The following RASSF6 variants were observed in gnomAD, a reference collection of about 807,000 sequenced individuals.
The protein encoded by RASSF6 is ras association domain-containing protein 6.
RASSF6 carries 52 observed loss-of-function variants against 44.0 expected under a neutral mutation model. That is an observed-to-expected ratio of 1.18 (90% confidence interval 0.95 to 1.49). The LOEUF is 1.49. RASSF6 is among the 40% of genes most tolerant of loss of function. The pLI, the probability that RASSF6 is intolerant of heterozygous loss-of-function variation, is 0.00. For missense variants in RASSF6, 464 were observed against 393.3 expected (o/e 1.18, Z -1.52); for synonymous variants, 162 against 124.6 (o/e 1.30, Z -2.00).
intron 1 of RASSF6, among the ~76,000 whole-genome samples, chr4:73,618,239 G>A (rs1049154412): frequency 2.6e-5 from 4 of 151,086 alleles, no homozygotes; most frequent in Non-Finnish European, 4.4e-5. Context: ...TGTTATACAC[G>A]TGAGAAATAG....
At chr4:73,590,160 A>G (rs2149376911) in intron 4 of RASSF6, among the ~76,000 whole-genome samples, 1 of 152,368 alleles carries the variant, frequency 6.6e-6, no homozygotes, top group East Asian at 1.9e-4. Flanking sequence ...AATTGTTTCC[A>G]TAAAGAATAA....
intron 2 of RASSF6, among the ~76,000 whole-genome samples, chr4:73,599,853 T>A (rs1018799475): frequency 6.6e-6 from 1 of 152,172 alleles, no homozygotes; most frequent in African/African-American, 2.4e-5. Context: ...TGGATGCAAC[T>A]GGTCTTCTGT....
intron 4 of RASSF6, among the ~76,000 whole-genome samples, chr4:73,590,034 A>G (rs530859502): frequency 5.9e-5 from 9 of 152,340 alleles, no homozygotes; most frequent in African/African-American, 2.2e-4. Flanking sequence ...TATTAAAAAC[A>G]GATGTGAAAA....
At position 73,587,917 on chromosome 4, in the gene RASSF6, TC is replaced by T; in HGVS notation, c.304del (p.Glu102AsnfsTer36). On this transcript the variant is annotated frameshift_variant, in exon 5 of 11. Coordinates refer to ENST00000307439, the MANE Select transcript of RASSF6 (RefSeq NM_177532.5). LOFTEE classifies it high-confidence loss of function. ...FSSKGMTRWGEFDDLYRISEL... is the reference protein window; with the variant it reads ...FSSKGMTRWGXFDDLYRISEL... ...ACTAATACGATAGAGATCGTCAAAT[TC>T]CCCCCAGCGTGTCATTCTGAGAAGT... 1.2e-6 allele frequency: 2 copies of T among 1,607,416 alleles called. No homozygotes were observed. The highest frequency in any genetic ancestry group is 1.7e-6 in the Non-Finnish European group (2 of 1,175,050).
chr4:73,592,771 A>G (rs1336716927), intron 4 of RASSF6, among the ~76,000 whole-genome samples: 2 of 152,156 alleles, frequency 1.3e-5, no homozygotes, highest in African/African-American at 4.8e-5. Flanking sequence ...TTTAGATTTT[A>G]TCCTCTTATT....
chr4:73,618,428 A>G (rs2149402873), intron 1 of RASSF6, among the ~76,000 whole-genome samples: 1 of 152,246 alleles, frequency 6.6e-6, no homozygotes, highest in African/African-American at 2.4e-5. Context: ...TGGGGCTACT[A>G]TTCTTTATTT....
intron 3 of RASSF6, among the ~76,000 whole-genome samples, chr4:73,598,244 A>C (rs1254051521): frequency 6.6e-6 from 1 of 152,156 alleles, no homozygotes; most frequent in Non-Finnish European, 1.5e-5. Context: ...ACCCAAATCA[A>C]ATTTGACATT....
At chr4:73,616,071 C>T (rs138839031) in intron 1 of RASSF6, 19 of 744,698 alleles carry the variant, frequency 2.6e-5, no homozygotes, top group African/African-American at 2.1e-4. Flanking sequence ...AAATATTTCA[C>T]GAGTTCCTTC....
intron 1 of RASSF6, among the ~76,000 whole-genome samples, chr4:73,617,626 T>C (rs1261066417): frequency 6.6e-6 from 1 of 152,238 alleles, no homozygotes; most frequent in African/African-American, 2.4e-5. Context: ...TAGGTGATGA[T>C]GAAGTTTTCC....
intron 3 of RASSF6, among the ~76,000 whole-genome samples, chr4:73,596,052 A>T (rs1186489970): frequency 6.6e-6 from 1 of 152,194 alleles, no homozygotes; most frequent in Non-Finnish European, 1.5e-5. Context: ...GAGTGAAGAG[A>T]CGTGTGGAGA....
Position 73,587,858 on chromosome 4 carries a change from T to C in RASSF6, c.364A>G (p.Lys122Glu). Residue 122 changes from lysine (K) to glutamate (E), a missense_variant, in exon 5 of 11, where the codon AAA becomes GAA. By Grantham distance (56) the Lys-to-Glu change is moderately conservative. Transcript: ENST00000307439. ...TACTGACCTTCCTGGGAATTCCTTT[T>C]TTCAGACATAGGAATCTGGGTCCTG... Reference protein sequence around the residue: ...LDRTQIPMSEKRNSQEDYLSY... With the variant: ...LDRTQIPMSEERNSQEDYLSY... 1 of 1,608,280 alleles carries C rather than the reference T, an allele frequency of 6.2e-7. No homozygotes were observed. Among genetic ancestry groups the C allele is most frequent in the Non-Finnish European group, 8.5e-7 (1 of 1,175,750 alleles).
intron 7 of RASSF6, 46 bp from the exon 8 acceptor site, chr4:73,581,914 T>C: frequency 1.3e-6 from 2 of 1,495,850 alleles, no homozygotes; most frequent in Non-Finnish European, 9.3e-7. Flanking sequence ...TGTTGTTATA[T>C]GATGTTTTCT....
chr4:73,609,850 G>T (rs1725884104), intron 2 of RASSF6, among the ~76,000 whole-genome samples: 1 of 152,086 alleles, frequency 6.6e-6, no homozygotes, highest in Admixed American at 6.5e-5. Context: ...CAGGAATTTT[G>T]TTTATGTTAG....
At position 73,578,638 on chromosome 4, in the gene RASSF6, C is replaced by CTT. The variant is rs34373374; in HGVS notation, c.722-1909_722-1908dup. ...CACCTTTAAACAAATCATTTTTTCT[C>CTT]TTTTTTTTTTTTTTAGACGGAGTGC... On this transcript the variant is annotated intron_variant, in intron 8 of 10. Transcript: ENST00000307439. Among the ~76,000 whole-genome samples, 158 of 143,442 alleles carry CTT rather than the reference C, an allele frequency of 1.1e-3. 1 individual carries two copies. The highest frequency in any genetic ancestry group is 2.8e-3 in the East Asian group (14 of 4,954). 94.1% of individuals were successfully genotyped at this position (143,442 alleles called of 152,430 possible).
intron 9 of RASSF6, 32 bp downstream of exon 9, chr4:73,576,580 CA>C (rs1723242638): frequency 1.3e-6 from 2 of 1,575,332 alleles, no homozygotes; most frequent in Admixed American, 1.7e-5. Flanking sequence ...AGGAGGGAAG[CA>C]AAAAACAGAT....
intron 1 of RASSF6, chr4:73,616,008 A>G: frequency 7.5e-7 from 1 of 1,338,880 alleles, no homozygotes; most frequent in East Asian, 2.5e-5. Flanking sequence ...AGTTAATTAA[A>G]TGGTTACATA....
At chr4:73,577,808 G>A (rs575454903) in intron 8 of RASSF6, among the ~76,000 whole-genome samples, 2 of 152,072 alleles carry the variant, frequency 1.3e-5, no homozygotes, top group East Asian at 1.9e-4. Flanking sequence ...TAAAAATAAT[G>A]ATTAAAAAAT....
At chr4:73,613,144 T>C (rs1726137782) in intron 1 of RASSF6, among the ~76,000 whole-genome samples, 1 of 152,206 alleles carries the variant, frequency 6.6e-6, no homozygotes, top group Admixed American at 6.5e-5. Context: ...CTTTCTTTTC[T>C]ATTGCTATCT....
chr4:73,589,175 A>AT (rs1039097619), intron 4 of RASSF6, among the ~76,000 whole-genome samples: 1 of 152,066 alleles, frequency 6.6e-6, no homozygotes, highest in African/African-American at 2.4e-5. Context: ...ATATTTGTTA[A>AT]TTTTCCAGCA....
Sources: gnomAD v4.1 joint callset for allele counts (sites outside exome capture counted in the v4.1 genomes callset) on GRCh38, gnomAD v4.1.1 for gene constraint, MANE v1.5 for transcripts, NCBI Gene and HGNC (gene_info 2026-07-23, HGNC 2026-07-21) for gene names.